The following FANCG variants were observed in gnomAD, a reference collection of about 807,000 sequenced individuals.
The protein encoded by FANCG is FA complementation group G.
A neutral mutation model predicts 73.3 loss-of-function variants in FANCG; 67 were observed. The observed-to-expected ratio is 0.91, with a 90% confidence interval of 0.75 to 1.12. The LOEUF is 1.12. FANCG is among the 50% of genes most tolerant of loss of function. The pLI is 0.00. For synonymous variants in FANCG, 297 were observed against 311.6 expected (o/e 0.95, Z 0.49); for missense variants, 643 against 735.6 (o/e 0.87, Z 1.46).
chr9:35,079,903 G>C lies in FANCG; in HGVS notation c.-379C>G. The C allele has an allele frequency of 2.4e-6, 1 of 413,054 alleles. No individual in the cohort carries two copies. The highest frequency in any genetic ancestry group is 2.4e-5 in the South Asian group (1 of 41,362). 25.6% of individuals were successfully genotyped at this position (413,054 alleles called of 1,614,324 possible). On this transcript the variant is annotated 5_prime_UTR_variant, in exon 1 of 14. Transcript: ENST00000378643. ...GGGCAGTCGCACGGCCGGCGGTGCG[G>C]CCCGCTCGGCTCTCGCGGAGGCCAC...
At position 35,077,009 on chromosome 9, in the gene FANCG, G is replaced by T. The variant is rs145613634; in HGVS notation, c.739C>A (p.Gln247Lys). The change falls in exon 6 of 14, where the codon CAG (glutamine) becomes AAG (lysine). Residue 247 changes from glutamine to lysine, a missense_variant. By Grantham distance (53) the Gln-to-Lys change is moderately conservative. Transcript: ENST00000378643. ...CAGGACCCCAGTGCTGTGTACACCTGGACCAACACAGGCCGTGGACACAGG... is the reference window on the plus strand; with the variant it reads ...CAGGACCCCAGTGCTGTGTACACCTTGACCAACACAGGCCGTGGACACAGG... The part of the protein sequence containing the change: ...SGLCPRPVLV[Q>K]VYTALGSCHR... The T allele has an allele frequency of 1.7e-4, 275 of 1,614,206 alleles. No homozygotes were observed. The African/African-American group carries it at 3.2e-3, about 19-fold the overall frequency.
intron 2 of FANCG, 136 bp from the exon 3 acceptor site, chr9:35,078,872 A>T: frequency 1.6e-6 from 2 of 1,269,194 alleles, no homozygotes; most frequent in South Asian, 2.6e-5. Flanking sequence ...TTAGCTAAGG[A>T]TTTAAAAAAA....
At position 35,079,714 on chromosome 9, in the gene FANCG, C is replaced by T. The variant is rs887760198; in HGVS notation, c.-190G>A. On this transcript the variant is annotated 5_prime_UTR_variant, in exon 1 of 14. Transcript: ENST00000378643. The stretch of plus-strand genomic sequence containing the variant: ...CAGATGGGACGCTCTCTCCCCGCGG[C>T]CCGCCGGGCTCTCAACCTCGCCTCT... 1.6e-6 allele frequency: 1 copy of T among 635,650 alleles called. No homozygotes were observed. 39.4% of individuals were successfully genotyped at this position (635,650 alleles called of 1,614,324 possible).
At chr9:35,079,315 ATTCTCCAGTCATTTC>A (rs1829141667) in intron 1 of FANCG, 74 bp from the exon 2 acceptor site, 2 of 1,545,558 alleles carry the variant, frequency 1.3e-6, no homozygotes. Flanking sequence ...CAAGGGATGC[ATTCTCCAGTCATTTC>A]TGGCTCTTTG....
chr9:35,079,181 C>T lies in FANCG; in HGVS notation c.145G>A (p.Gly49Arg), dbSNP rs867905302. The T allele has an allele frequency of 6.2e-7, 1 of 1,608,562 alleles. No homozygotes were observed. The highest frequency in any genetic ancestry group is 1.7e-5 in the Admixed American group (1 of 59,506). ...AGACTATGGAGGAGCCCTCTGAGCC[C>T]TTCCAGTGCATCCTGAGCCAACTGC... Reference protein sequence around the residue: ...RQQLAQDALEGLRGLLHSLQG... With the variant: ...RQQLAQDALERLRGLLHSLQG... The change falls in exon 2 of 14, where the codon GGG (glycine) becomes AGG (arginine). Residue 49 changes from glycine (G) to arginine (R), a missense_variant. Physicochemically the swap from Gly to Arg is moderately radical, Grantham distance 125. Coordinates refer to ENST00000378643, the MANE Select transcript of FANCG (RefSeq NM_004629.2).
Position 35,078,409 on chromosome 9 carries a change from C to G in FANCG, c.308-66G>C, listed in dbSNP as rs55922454. The G allele has an allele frequency of 6.2e-5, 96 of 1,560,970 alleles. No individual in the cohort carries two copies. The East Asian group carries it at 1.2e-3, about 20-fold the overall frequency. ...AAGTAGCACCTCATCCTCCATCTCCCCACACACTCTGGCTTTCCTCTCCTG... is the reference window on the plus strand; with the variant it reads ...AAGTAGCACCTCATCCTCCATCTCCGCACACACTCTGGCTTTCCTCTCCTG... On this transcript the variant is annotated intron_variant, in intron 3 of 13. Coordinates refer to ENST00000378643, the MANE Select transcript of FANCG (RefSeq NM_004629.2).
intron 1 of FANCG, 39 bp from the exon 2 acceptor site, chr9:35,079,280 C>CT (rs1829141220): frequency 1.3e-6 from 2 of 1,582,512 alleles, no homozygotes; most frequent in South Asian, 2.2e-5. Flanking sequence ...AGGATCAATC[C>CT]TTTTTTCTCC....
At position 35,079,429 on chromosome 9, in the gene FANCG, C is replaced by T. The variant is rs774225292; in HGVS notation, c.84+12G>A. 1 of 1,614,132 alleles carries T rather than the reference C, an allele frequency of 6.2e-7. No individual in the cohort carries two copies. Among genetic ancestry groups the T allele is most frequent in the Non-Finnish European group, 8.5e-7 (1 of 1,180,028 alleles). ...TGAGGCTGCAAACCGAGGGTGCCAG[C>T]AACCGTGTTACCTTGGCCTGTCGAA... On this transcript the variant is annotated intron_variant, in intron 1 of 13. Transcript: ENST00000378643.
rs2131055945 is a variant in FANCG at position 35,076,775 on chromosome 9, C to T, written c.873G>A (p.Gln291=). Residue 291 remains glutamine, a synonymous_variant, in exon 7 of 14, where the codon CAG becomes CAA. Transcript: ENST00000378643. ...PPLLEASRLY[Q]QLGDTTAELE... ...GCTCTGCTGTTGTGTCCCCCAGTTGCTGATAGAGCCTAGAGGCCTCCAGAA... is the reference window on the plus strand; with the variant it reads ...GCTCTGCTGTTGTGTCCCCCAGTTGTTGATAGAGCCTAGAGGCCTCCAGAA... 1.9e-6 allele frequency: 3 copies of T among 1,614,182 alleles called. No homozygotes were observed. Among genetic ancestry groups the T allele is most frequent in the Non-Finnish European group, 2.5e-6 (3 of 1,180,022 alleles).
intron 2 of FANCG, 25 bp from the exon 3 acceptor site, chr9:35,078,761 A>C (rs775147722): frequency 6.2e-7 from 1 of 1,614,112 alleles, no homozygotes. Context: ...TTGGTCTTAC[A>C]GACTGCTCCC....
In FANCG at chr9:35,073,990, C is replaced by T. The variant is rs1829027072; in HGVS notation, c.*118G>A. 14 of 830,584 alleles carry T rather than the reference C, an allele frequency of 1.7e-5. No individual in the cohort carries two copies. Among genetic ancestry groups the T allele is most frequent in the Non-Finnish European group, 2.5e-5 (12 of 485,648 alleles). 51.5% of individuals were successfully genotyped at this position (830,584 alleles called of 1,614,324 possible). A position where few individuals can be genotyped will look rare whatever the true frequency, so the allele number is the denominator to read the frequency against. On this transcript the variant is annotated 3_prime_UTR_variant, in exon 14 of 14. Coordinates refer to ENST00000378643, the MANE Select transcript of FANCG (RefSeq NM_004629.2). ...AATTTCACAGGCCTACCACCAATCTCACCAGTCCAGGAATTATATAGGAAT... is the reference window on the plus strand; with the variant it reads ...AATTTCACAGGCCTACCACCAATCTTACCAGTCCAGGAATTATATAGGAAT...
chr9:35,079,873 G>C lies in FANCG; in HGVS notation c.-349C>G, dbSNP rs890353420. 3.9e-5 allele frequency: 17 copies of C among 432,046 alleles called. No individual in the cohort carries two copies. The highest frequency in any genetic ancestry group is 6.1e-5 in the Non-Finnish European group (14 of 229,840). The allele number at this position is 432,046 out of a possible 1,614,324, so 26.8% of individuals were successfully genotyped here. A position where few individuals can be genotyped will look rare whatever the true frequency, so the allele number is the denominator to read the frequency against. The stretch of plus-strand genomic sequence containing the variant: ...CGGGCTAGAAGCCGGGGTCGTGTCT[G>C]ACTGGGGCAGTCGCACGGCCGGCGG... On this transcript the variant is annotated 5_prime_UTR_variant, in exon 1 of 14. Transcript: ENST00000378643.
Position 35,079,432 on chromosome 9 carries a change from C to A in FANCG, c.84+9G>T, listed in dbSNP as rs759504806. On this transcript the variant is annotated intron_variant, in intron 1 of 13. Coordinates refer to ENST00000378643, the MANE Select transcript of FANCG (RefSeq NM_004629.2). ...GGCTGCAAACCGAGGGTGCCAGCAA[C>A]CGTGTTACCTTGGCCTGTCGAACGA... The A allele has an allele frequency of 8.7e-6, 14 of 1,614,116 alleles. No homozygotes were observed. Among genetic ancestry groups the A allele is most frequent in the Middle Eastern group, 1.6e-4 (1 of 6,062 alleles).
Position 35,075,679 on chromosome 9 carries a change from C to T in FANCG, c.1219G>A (p.Ala407Thr), listed in dbSNP as rs781764361. The T allele has an allele frequency of 1.2e-6, 2 of 1,610,220 alleles. No homozygotes were observed. The highest frequency in any genetic ancestry group is 2.2e-5 in the South Asian group (2 of 90,984). ...FLEAAVALIQAGRAQDALTLC... is the reference protein window; with the variant it reads ...FLEAAVALIQTGRAQDALTLC... ...GTCAAGGCATCTTGGGCTCTGCCTG[C>T]CTGGATCAGTGCTACCGCTGCCTCC... Residue 407 changes from alanine (A) to threonine (T), a missense_variant, in exon 10 of 14, where the codon GCA (alanine) becomes ACA (threonine). Physicochemically the swap from Ala to Thr is moderately conservative, Grantham distance 58. Coordinates refer to ENST00000378643, the MANE Select transcript of FANCG (RefSeq NM_004629.2).
rs920059828 is a variant in FANCG, at chr9:35,076,833, G to A, written c.815C>T (p.Ala272Val). Residue 272 changes from alanine (A) to valine (V), a missense_variant, in exon 7 of 14, where the codon GCC becomes GTC. Ala to Val is a moderately conservative substitution (Grantham distance 64). Transcript: ENST00000378643. Reference protein sequence around the residue: ...PQRALLYLVAALKEGSAWGPP... With the variant: ...PQRALLYLVAVLKEGSAWGPP... Reference sequence around the variant, plus strand: ...ACCCCAGGCTGATCCCTCTTTCAGGGCTGCAACCAAGTACAACAGTGCTCT... The same window carrying A: ...ACCCCAGGCTGATCCCTCTTTCAGGACTGCAACCAAGTACAACAGTGCTCT... 3 of 1,614,182 alleles carry A rather than the reference G, an allele frequency of 1.9e-6. No homozygotes were observed. The highest frequency in any genetic ancestry group is 2.5e-6 in the Non-Finnish European group (3 of 1,180,036).
chr9:35,076,789 A>C lies in FANCG; in HGVS notation c.859T>G (p.Ser287Ala), dbSNP rs1587141729. The change falls in exon 7 of 14, where the codon TCT becomes GCT. Residue 287 changes from serine to alanine, a missense_variant. Coordinates refer to ENST00000378643, the MANE Select transcript of FANCG (RefSeq NM_004629.2). ...SAWGPPLLEA[S>A]RLYQQLGDTT... is the part of the protein sequence containing the mutation. Reference sequence around the variant, plus strand: ...TCCCCCAGTTGCTGATAGAGCCTAGAGGCCTCCAGAAGTGGAGGACCCCAG... The same window carrying C: ...TCCCCCAGTTGCTGATAGAGCCTAGCGGCCTCCAGAAGTGGAGGACCCCAG... 1 of 1,614,184 alleles carries C rather than the reference A, an allele frequency of 6.2e-7. No individual in the cohort carries two copies. The highest frequency in any genetic ancestry group is 1.3e-5 in the African/African-American group (1 of 75,048).
At chr9:35,078,470 C>T in intron 3 of FANCG, 127 bp from the exon 4 acceptor site, 1 of 1,526,604 alleles carries the variant, frequency 6.6e-7, no homozygotes, top group Non-Finnish European at 9.0e-7. Flanking sequence ...ATACCTCAAC[C>T]TGGTCTGAAG....
At chr9:35,075,856 G>A (rs747682775) in intron 9 of FANCG, 102 bp from the exon 10 acceptor site, 11 of 1,533,538 alleles carry the variant, frequency 7.2e-6, no homozygotes, top group Middle Eastern at 1.7e-4. Context: ...CCCCCAGACT[G>A]GACAGACAGA....
chr9:35,079,612 G>A lies in FANCG; in HGVS notation c.-88C>T, dbSNP rs533740678. 2.5e-5 allele frequency: 34 copies of A among 1,363,166 alleles called. No individual in the cohort carries two copies. Among genetic ancestry groups the A allele is most frequent in the Non-Finnish European group, 3.4e-5 (33 of 957,438 alleles). 84.4% of individuals were successfully genotyped at this position (1,363,166 alleles called of 1,614,324 possible). ...AAGCTCCCAACCCCAGCGGGGAGGG[G>A]CCTGGGCACTTCTGCACCCCGCCGA... is the stretch of plus-strand genomic sequence containing the variant. On this transcript the variant is annotated 5_prime_UTR_variant, in exon 1 of 14. Transcript: ENST00000378643.
Sources: allele counts gnomAD v4.1 joint callset, GRCh38; gene constraint gnomAD v4.1.1; transcripts MANE v1.5; gene names NCBI Gene and HGNC (gene_info 2026-07-23, HGNC 2026-07-21).